Variants in RLN1 observed in about 807,000 individuals in gnomAD.
The protein encoded by RLN1 is relaxin 1.
Under a neutral mutation model 7.2 loss-of-function variants are expected in RLN1, and 4 were observed. That is an observed-to-expected ratio of 0.56 (90% confidence interval 0.28 to 1.28). The LOEUF is 1.28. RLN1 is among the 50% of genes most tolerant of loss of function. The pLI is 0.11. For missense variants in RLN1, 293 were observed against 221.1 expected (o/e 1.32, Z -2.06); for synonymous variants, 105 against 86.0 (o/e 1.22, Z -1.22).
upstream of RLN1, among the ~76,000 whole-genome samples, chr9:5,340,523 CAGAGAGAGAGAA>C: frequency 6.6e-6 from 1 of 151,480 alleles, no homozygotes; most frequent in African/African-American, 2.4e-5. Flanking sequence ...ACCACACACA[CAGAGAGAGAGAA>C]AGAGAGAGAG....
chr9:5,340,525 G>C (rs1431352877), upstream of RLN1, among the ~76,000 whole-genome samples: 4 of 151,472 alleles, frequency 2.6e-5, no homozygotes, highest in South Asian at 4.2e-4. Flanking sequence ...CACACACACA[G>C]AGAGAGAGAA....
chr9:5,339,364 TG>T, intron 1 of RLN1, 171 bp downstream of exon 1: 1 of 527,818 alleles, frequency 1.9e-6, no homozygotes, highest in Non-Finnish European at 3.2e-6. Flanking sequence ...TAAAATCACC[TG>T]GCAAAGGAAA....
intron 1 of RLN1, 72 bp from the exon 2 acceptor site, chr9:5,335,669 G>A: frequency 1.1e-6 from 1 of 895,194 alleles, no homozygotes; most frequent in South Asian, 1.7e-5. Context: ...AACTGTGAAT[G>A]TTTGCATACA....
In RLN1 at chr9:5,339,603, G is replaced by A. The variant is rs188069694; in HGVS notation, c.144C>T (p.Gly48=). 11 of 1,611,766 alleles carry A rather than the reference G, an allele frequency of 6.8e-6. No homozygotes were observed. In the East Asian group the frequency reaches 1.1e-4, roughly 16 times the overall value. The change falls in exon 1 of 2, where the codon GGC becomes GGT. Residue 48 remains glycine (G), a synonymous_variant. Transcript: ENST00000223862. ...ELVRAQIAIC[G]MSTWSKRSLS... The stretch of plus-strand genomic sequence containing the variant: ...GAGACCTTTTGCTCCAGGTGCTCAT[G>A]CCGCAAATGGCAATCTGCGCGCGAA...
At chr9:5,336,512 A>C (rs1212941571) in intron 1 of RLN1, among the ~76,000 whole-genome samples, 1 of 152,092 alleles carries the variant, frequency 6.6e-6, no homozygotes, top group Middle Eastern at 3.2e-3. Context: ...AGCTCCGTTG[A>C]ACATTCATTA....
rs771658113 is a variant in RLN1, at chr9:5,339,516, G to A, written c.211+20C>T. The A allele has an allele frequency of 1.3e-6, 2 of 1,509,360 alleles. No homozygotes were observed. The highest frequency in any genetic ancestry group is 4.8e-5 in the East Asian group (2 of 41,340). 93.5% of individuals were successfully genotyped at this position (1,509,360 alleles called of 1,614,324 possible). A position where few individuals can be genotyped will look rare whatever the true frequency, so the allele number is the denominator to read the frequency against. On this transcript the variant is annotated intron_variant, in intron 1 of 1. Transcript: ENST00000223862. ...CCAATGGGAAGCGCGGGAAGGCCGG[G>A]AGGGGGCGGGAGCTCTCACCTGCCA...
At chr9:5,339,412 G>T (rs757445557) in intron 1 of RLN1, 124 bp downstream of exon 1, 12 of 640,286 alleles carry the variant, frequency 1.9e-5, no homozygotes, top group Admixed American at 2.7e-5. Context: ...GCTGAGTAGG[G>T]GCTGAGCGGT....
Position 5,339,618 on chromosome 9 carries a change from C to T in RLN1, c.129G>A (p.Gln43=). The stretch of plus-strand genomic sequence containing the variant: ...AGGTGCTCATGCCGCAAATGGCAAT[C>T]TGCGCGCGAACTAATTCGCGGCCGC... ...KLCGRELVRA[Q]IAICGMSTWS... The change falls in exon 1 of 2, where the codon CAG becomes CAA. Residue 43 remains glutamine, a synonymous_variant. Coordinates refer to ENST00000223862, the MANE Select transcript of RLN1 (RefSeq NM_006911.4). 1 of 1,612,370 alleles carries T rather than the reference C, an allele frequency of 6.2e-7. No individual in the cohort carries two copies. Among genetic ancestry groups the T allele is most frequent in the Non-Finnish European group, 8.5e-7 (1 of 1,179,992 alleles).
intron 1 of RLN1, among the ~76,000 whole-genome samples, chr9:5,337,665 C>T (rs1180875765): frequency 6.6e-6 from 1 of 151,984 alleles, no homozygotes; most frequent in African/African-American, 2.4e-5. Flanking sequence ...ACATGTACTT[C>T]CAAAGCGATT....
At chr9:5,335,936 C>G (rs1253603795) in intron 1 of RLN1, among the ~76,000 whole-genome samples, 5 of 152,116 alleles carry the variant, frequency 3.3e-5, no homozygotes, top group Admixed American at 2.0e-4. Context: ...ACAGTTTGGC[C>G]ACACATAGTG....
In RLN1 at chr9:5,335,156, A is replaced by G; in HGVS notation, c.*95T>C. The stretch of plus-strand genomic sequence containing the variant: ...CTAAACATTAATAAAGATTTCTTAT[A>G]TTCTAATAATTAGTGGGACCTGACA... On this transcript the variant is annotated 3_prime_UTR_variant, in exon 2 of 2. Coordinates refer to ENST00000223862, the MANE Select transcript of RLN1 (RefSeq NM_006911.4). The G allele has an allele frequency of 1.5e-6, 1 of 664,580 alleles. No homozygotes were observed. The allele number at this position is 664,580 out of a possible 1,614,324, so 41.2% of individuals were successfully genotyped here. A position where few individuals can be genotyped will look rare whatever the true frequency, so the allele number is the denominator to read the frequency against.
chr9:5,337,859 A>G (rs1816931598), intron 1 of RLN1, among the ~76,000 whole-genome samples: 1 of 152,042 alleles, frequency 6.6e-6, no homozygotes, highest in Admixed American at 6.6e-5. Flanking sequence ...GTGATTAATG[A>G]TTTTCAGCAA....
rs1378659248 is a variant in RLN1 at position 5,339,791 on chromosome 9, A to C, written c.-45T>G. The C allele has an allele frequency of 6.3e-7, 1 of 1,599,100 alleles. No homozygotes were observed. Among genetic ancestry groups the C allele is most frequent in the Non-Finnish European group, 8.6e-7 (1 of 1,167,716 alleles). On this transcript the variant is annotated 5_prime_UTR_variant, in exon 1 of 2. Transcript: ENST00000223862. ...GGAGGTCTGGGTGTTGCAGCCTTTC[A>C]GGACTGCGGCTGCTGTGGCCTACAC...
intron 1 of RLN1, among the ~76,000 whole-genome samples, chr9:5,336,617 C>T (rs915527783): frequency 9.9e-5 from 15 of 152,078 alleles, no homozygotes; most frequent in Non-Finnish European, 8.8e-5. Flanking sequence ...TAAACTCTCT[C>T]CTAACCTTAA....
Position 5,335,576 on chromosome 9 carries a change from T to C in RLN1, c.233A>G (p.Asn78Ser), listed in dbSNP as rs1328667458. The change falls in exon 2 of 2, where the codon AAC (asparagine) becomes AGC (serine). Residue 78 changes from asparagine (N) to serine (S), a missense_variant. Coordinates refer to ENST00000223862, the MANE Select transcript of RLN1 (RefSeq NM_006911.4). ...GATAATTATAGTTTCTGTATCTTTG[T>C]TGATGAAGGATGGTACAATTTCTGT... ...PVAEIVPSFI[N>S]KDTETIIIML... The C allele has an allele frequency of 1.9e-6, 3 of 1,608,680 alleles. No homozygotes were observed. Among genetic ancestry groups the C allele is most frequent in the Non-Finnish European group, 1.7e-6 (2 of 1,176,744 alleles).
chr9:5,337,945 C>T (rs1383197796), intron 1 of RLN1, among the ~76,000 whole-genome samples: 2 of 151,948 alleles, frequency 1.3e-5, no homozygotes, highest in Non-Finnish European at 2.9e-5. Context: ...AAATACTACA[C>T]AGGAATTTCA....
chr9:5,337,968 G>C (rs979315143), intron 1 of RLN1, among the ~76,000 whole-genome samples: 2 of 151,756 alleles, frequency 1.3e-5, no homozygotes, highest in Non-Finnish European at 2.9e-5. Context: ...TTATGTTTTG[G>C]GATAATAACA....
chr9:5,337,278 A>G (rs1816916235), intron 1 of RLN1, among the ~76,000 whole-genome samples: 1 of 152,082 alleles, frequency 6.6e-6, no homozygotes, highest in Non-Finnish European at 1.5e-5. Flanking sequence ...AGTTAAATGA[A>G]TCAGCCAAAA....
Position 5,339,853 on chromosome 9 carries a change from C to G in RLN1, c.-107G>C, listed in dbSNP as rs1816956520. 8.7e-7 allele frequency: 1 copy of G among 1,153,206 alleles called. No homozygotes were observed. Among genetic ancestry groups the G allele is most frequent in the East Asian group, 2.4e-5 (1 of 42,086 alleles). 71.4% of individuals were successfully genotyped at this position (1,153,206 alleles called of 1,614,324 possible). The stretch of plus-strand genomic sequence containing the variant: ...TGTGCCTGTCCCGGGCTTTAGGCTG[C>G]TTTCCCTACCCGGCTCAACCAGTCT... On this transcript the variant is annotated 5_prime_UTR_variant, in exon 1 of 2. Coordinates refer to ENST00000223862, the MANE Select transcript of RLN1 (RefSeq NM_006911.4).
Sources: gnomAD v4.1 joint callset for allele counts (sites outside exome capture counted in the v4.1 genomes callset) on GRCh38, gnomAD v4.1.1 for gene constraint, MANE v1.5 for transcripts, NCBI Gene and HGNC (gene_info 2026-07-23, HGNC 2026-07-21) for gene names.